AUTS2: variants seen among roughly 807,000 people sequenced by gnomAD.
AUTS2 encodes activator of transcription and developmental regulator AUTS2.
AUTS2 carries 17 observed loss-of-function variants against 112.4 expected under a neutral mutation model. The ratio of observed to expected loss-of-function variants is 0.15; its 90% CI spans 0.10 to 0.23. AUTS2 has a LOEUF of 0.23. AUTS2 is among the 10% of genes least tolerant of loss of function. AUTS2 has a pLI of 1.00. For missense variants in AUTS2, 1,510 were observed against 1,701.6 expected (o/e 0.89, Z 1.98); for synonymous variants, 751 against 702.7 (o/e 1.07, Z -1.09).
chr7:70,497,261 C>G (rs1055621767), intron 5 of AUTS2, among the ~76,000 whole-genome samples: 3 of 145,100 alleles, frequency 2.1e-5, no homozygotes, highest in South Asian at 2.2e-4. Context: ...TACACAGTCA[C>G]ACACACACAC....
In AUTS2 at chr7:70,622,418, C is replaced by T. The variant is rs73707907; in HGVS notation, c.691-76151C>T. Among the ~76,000 whole-genome samples the T allele has an allele frequency of 4.2e-3, 633 of 152,200 alleles. 6 individuals are homozygous for T. The highest frequency in any genetic ancestry group is 0.013 in the African/African-American group (527 of 41,528). Reference sequence around the variant, plus strand: ...CAGCACATTCTTGCTGAGCAGAACACGGTGTTCAGCCAGGTTCCATAGCTC... The same window carrying T: ...CAGCACATTCTTGCTGAGCAGAACATGGTGTTCAGCCAGGTTCCATAGCTC... On this transcript the variant is annotated intron_variant, in intron 5 of 18. Transcript: ENST00000342771.
intron 2 of AUTS2, among the ~76,000 whole-genome samples, chr7:70,086,680 A>G (rs1412751087): frequency 6.6e-6 from 1 of 150,636 alleles, no homozygotes; most frequent in Non-Finnish European, 1.5e-5. Flanking sequence ...TTTTCAGGTT[A>G]CAAATATTTC....
intron 4 of AUTS2, among the ~76,000 whole-genome samples, chr7:70,192,704 C>T (rs1342451922): frequency 6.6e-6 from 1 of 152,086 alleles, no homozygotes; most frequent in East Asian, 1.9e-4. Context: ...AGGGGTTAAT[C>T]CTTATTAGTC....
At chr7:69,740,197 C>T (rs34449130) in intron 1 of AUTS2, among the ~76,000 whole-genome samples, 2 of 152,152 alleles carry the variant, frequency 1.3e-5, no homozygotes, top group Non-Finnish European at 1.5e-5. Context: ...ACATGACCAG[C>T]TGCTTCTTCG....
At chr7:69,691,348 C>A (rs1425292470) in intron 1 of AUTS2, among the ~76,000 whole-genome samples, 1 of 152,124 alleles carries the variant, frequency 6.6e-6, no homozygotes, top group South Asian at 2.1e-4. Context: ...CGTCAACAAG[C>A]TGTCCATTGT....
At chr7:70,456,364 TACTC>T (rs1232586037) in intron 5 of AUTS2, among the ~76,000 whole-genome samples, 4 of 152,274 alleles carry the variant, frequency 2.6e-5, no homozygotes, top group South Asian at 2.1e-4. Flanking sequence ...ATTCTTGTGA[TACTC>T]ACCGTAATAA....
At chr7:69,740,504 A>C (rs527537602) in intron 1 of AUTS2, among the ~76,000 whole-genome samples, 1 of 150,344 alleles carries the variant, frequency 6.7e-6, no homozygotes, top group Non-Finnish European at 1.5e-5. Flanking sequence ...TGACAAAAAC[A>C]TACTTAAATC....
intron 4 of AUTS2, among the ~76,000 whole-genome samples, chr7:70,280,020 C>G (rs182807226): frequency 1.3e-5 from 2 of 152,184 alleles, no homozygotes; most frequent in African/African-American, 4.8e-5. Flanking sequence ...TAGTTGAACA[C>G]ATAGTTCTTT....
At chr7:69,662,756 A>AT (rs1302066159) in intron 1 of AUTS2, among the ~76,000 whole-genome samples, 1 of 152,076 alleles carries the variant, frequency 6.6e-6, no homozygotes, top group East Asian at 1.9e-4. Context: ...AGAAATGTAG[A>AT]TTTTTCCCCT....
At chr7:70,052,019 G>C (rs1195425438) in intron 2 of AUTS2, among the ~76,000 whole-genome samples, 1 of 152,158 alleles carries the variant, frequency 6.6e-6, no homozygotes, top group Non-Finnish European at 1.5e-5. Flanking sequence ...TGAAACTAGT[G>C]TCCTGTGTAC....
intron 5 of AUTS2, among the ~76,000 whole-genome samples, chr7:70,663,170 G>A (rs1036691472): frequency 2.6e-5 from 4 of 152,282 alleles, no homozygotes; most frequent in African/African-American, 9.6e-5. Flanking sequence ...CGAGGCAGGC[G>A]GATCACTTGA....
intron 2 of AUTS2, among the ~76,000 whole-genome samples, chr7:69,999,266 A>C (rs898204900): frequency 6.6e-6 from 1 of 152,088 alleles, no homozygotes; most frequent in Non-Finnish European, 1.5e-5. Flanking sequence ...AGGTGTAGAA[A>C]AATGTATGTT....
intron 6 of AUTS2, among the ~76,000 whole-genome samples, chr7:70,722,619 C>CTGACAGGT (rs771302373): frequency 2.6e-5 from 4 of 152,184 alleles, no homozygotes; most frequent in Non-Finnish European, 4.4e-5. Flanking sequence ...GACTAGCAAG[C>CTGACAGGT]TGACAGGTTA....
intron 5 of AUTS2, among the ~76,000 whole-genome samples, chr7:70,496,637 ACACC>A (rs1798532150): frequency 7.1e-6 from 1 of 140,574 alleles, no homozygotes; most frequent in Non-Finnish European, 1.5e-5. Flanking sequence ...GCACACACAC[ACACC>A]CCACACATGC....
intron 4 of AUTS2, among the ~76,000 whole-genome samples, chr7:70,350,540 T>C (rs1791701233): frequency 6.6e-6 from 1 of 152,062 alleles, no homozygotes; most frequent in Non-Finnish European, 1.5e-5. Context: ...CCATCAGCTC[T>C]CCTGAGACTT....
intron 5 of AUTS2, among the ~76,000 whole-genome samples, chr7:70,451,921 G>A (rs545799211): frequency 4.6e-5 from 7 of 152,224 alleles, no homozygotes; most frequent in African/African-American, 1.2e-4. Flanking sequence ...CAGCCAGGTC[G>A]CCGCTCTGAG....
chr7:69,899,527 G>C (rs1419573768), intron 2 of AUTS2, 29 bp downstream of exon 2: 3 of 1,608,216 alleles, frequency 1.9e-6, no homozygotes, highest in South Asian at 2.2e-5. Flanking sequence ...GCTCTTTCCT[G>C]TGGCGGCAAA....
At chr7:70,150,834 G>A (rs1471781425) in intron 4 of AUTS2, among the ~76,000 whole-genome samples, 1 of 152,188 alleles carries the variant, frequency 6.6e-6, no homozygotes, top group African/African-American at 2.4e-5. Context: ...TTCATGAAAA[G>A]AGTTGGGCTT....
intron 5 of AUTS2, among the ~76,000 whole-genome samples, chr7:70,667,960 A>G (rs1282549850): frequency 1.3e-5 from 2 of 152,186 alleles, no homozygotes; most frequent in East Asian, 3.9e-4. Context: ...CCTAAAATGC[A>G]CATTCTGCCT....
Sources: allele counts gnomAD v4.1 joint callset (sites outside exome capture counted in the v4.1 genomes callset), GRCh38; gene constraint gnomAD v4.1.1; transcripts MANE v1.5; gene names NCBI Gene and HGNC (gene_info 2026-07-23, HGNC 2026-07-21).